SPPL3: variants seen among roughly 807,000 people sequenced by gnomAD.
SPPL3 encodes the protein signal peptide peptidase like 3.
In SPPL3, 5 loss-of-function variants were observed where a neutral mutation model predicts 42.4. The ratio of observed to expected loss-of-function variants is 0.12; its 90% CI spans 0.06 to 0.25. SPPL3 has a LOEUF of 0.25. Among genes scored for constraint, SPPL3 ranks in the 10% least tolerant of loss-of-function variants. The pLI is 1.00. For synonymous variants in SPPL3, 195 were observed against 181.8 expected (o/e 1.07, Z -0.58); for missense variants, 235 against 489.0 (o/e 0.48, Z 4.90).
At chr12:120,897,765 A>G (rs1194333806) in intron 1 of SPPL3, among the ~76,000 whole-genome samples, 1 of 152,194 alleles carries the variant, frequency 6.6e-6, no homozygotes, top group Non-Finnish European at 1.5e-5. Flanking sequence ...AAAGTCTATA[A>G]TGCTAGACAC....
chr12:120,895,488 T>C (rs1873773454), intron 1 of SPPL3, among the ~76,000 whole-genome samples: 1 of 152,018 alleles, frequency 6.6e-6, no homozygotes, highest in Non-Finnish European at 1.5e-5. Context: ...AATGTAGCCA[T>C]GGACTATGAA....
intron 1 of SPPL3, among the ~76,000 whole-genome samples, chr12:120,818,657 A>AACT (rs1432651851): frequency 6.6e-6 from 1 of 152,218 alleles, no homozygotes; most frequent in Non-Finnish European, 1.5e-5. Context: ...AAAACCAAGC[A>AACT]ACTACTATTC....
intron 1 of SPPL3, among the ~76,000 whole-genome samples, chr12:120,815,696 T>A (rs1278891538): frequency 1.3e-5 from 2 of 152,190 alleles, no homozygotes; most frequent in Non-Finnish European, 2.9e-5. Context: ...ACTCTTAACC[T>A]CAGACTTCTG....
At chr12:120,860,520 G>A (rs1211364187) in intron 1 of SPPL3, among the ~76,000 whole-genome samples, 1 of 152,150 alleles carries the variant, frequency 6.6e-6, no homozygotes, top group African/African-American at 2.4e-5. Context: ...TCCATGTCAA[G>A]GTAAGTGCAA....
intron 1 of SPPL3, among the ~76,000 whole-genome samples, chr12:120,823,812 G>GA (rs1375612562): frequency 1.3e-5 from 2 of 152,092 alleles, no homozygotes; most frequent in African/African-American, 4.8e-5. Context: ...ATAGTGGGGT[G>GA]AATTAACCTA....
chr12:120,852,701 TA>T (rs1202750787), intron 1 of SPPL3, among the ~76,000 whole-genome samples: 280 of 18,964 alleles, frequency 0.015, 21 homozygotes, highest in East Asian at 0.03. Context: ...ATACATATTT[TA>T]CATATATGAA....
At chr12:120,826,913 A>C (rs1011320803) in intron 1 of SPPL3, among the ~76,000 whole-genome samples, 1 of 152,178 alleles carries the variant, frequency 6.6e-6, no homozygotes. Flanking sequence ...TCCTGACAAA[A>C]TTGAGACATT....
intron 1 of SPPL3, among the ~76,000 whole-genome samples, chr12:120,842,205 T>G (rs1871854958): frequency 6.6e-6 from 1 of 152,192 alleles, no homozygotes; most frequent in Non-Finnish European, 1.5e-5. Context: ...TTGGCATTTT[T>G]TAGGTAGATA....
Position 120,782,697 on chromosome 12 carries a change from C to G in SPPL3, c.460G>C (p.Val154Leu). ...TGGCCAGTGAGAACCCAGATGAGGA[C>G]GAGCATGACAGACAGAGAGAATGAC... ...LLSFSLSVML[V>L]LIWVLTGHWL... The change falls in exon 6 of 11, where the codon GTC (valine) becomes CTC (leucine). Residue 154 changes from valine to leucine, a missense_variant. Physicochemically the swap from Val to Leu is conservative, Grantham distance 32. Coordinates refer to ENST00000353487, the MANE Select transcript of SPPL3 (RefSeq NM_139015.5). The G allele has an allele frequency of 6.2e-7, 1 of 1,611,774 alleles. No homozygotes were observed. Among genetic ancestry groups the G allele is most frequent in the East Asian group, 2.2e-5 (1 of 44,808 alleles).
At chr12:120,895,047 G>C (rs1164697541) in intron 1 of SPPL3, among the ~76,000 whole-genome samples, 1 of 152,168 alleles carries the variant, frequency 6.6e-6, no homozygotes, top group Non-Finnish European at 1.5e-5. Context: ...GAAAAGCAGG[G>C]AAAGATGAGG....
rs567539889 is a variant in SPPL3 at position 120,903,975 on chromosome 12, T to TGCTC, written c.-112_-109dup. ...GGCCGGGGTCCGGTGCTTGCTTGCT[T>TGCTC]GCTCGCTCGCTGGCTCGCTGGCTGC... is the stretch of plus-strand genomic sequence containing the variant. On this transcript the variant is annotated 5_prime_UTR_variant, in exon 1 of 11. Coordinates refer to ENST00000353487, the MANE Select transcript of SPPL3 (RefSeq NM_139015.5). 3.0e-4 allele frequency: 295 copies of TGCTC among 969,480 alleles called. 4 individuals are homozygous for TGCTC. In the South Asian group the frequency reaches 6.8e-3, roughly 22 times the overall value. 60.1% of individuals were successfully genotyped at this position (969,480 alleles called of 1,614,324 possible). A position where few individuals can be genotyped will look rare whatever the true frequency, so the allele number is the denominator to read the frequency against.
chr12:120,818,223 A>G (rs559398875), intron 1 of SPPL3, among the ~76,000 whole-genome samples: 72 of 152,328 alleles, frequency 4.7e-4, no homozygotes, highest in African/African-American at 1.7e-3. Flanking sequence ...GAAACTAAAT[A>G]CATGCATTTG....
chr12:120,823,306 T>C (rs1046375428), intron 1 of SPPL3, among the ~76,000 whole-genome samples: 4 of 152,074 alleles, frequency 2.6e-5, no homozygotes, highest in African/African-American at 9.7e-5. Flanking sequence ...GCTAGGGATC[T>C]GGCTGTATTT....
chr12:120,827,592 C>A (rs1325121077), intron 1 of SPPL3, among the ~76,000 whole-genome samples: 1 of 152,072 alleles, frequency 6.6e-6, no homozygotes, highest in Non-Finnish European at 1.5e-5. Context: ...GCATTCCCAT[C>A]CAGGCAGCCT....
At chr12:120,860,106 G>A (rs1872581638) in intron 1 of SPPL3, among the ~76,000 whole-genome samples, 1 of 152,116 alleles carries the variant, frequency 6.6e-6, no homozygotes, top group South Asian at 2.1e-4. Context: ...AAATTAGCTG[G>A]GTGGGAGGAT....
chr12:120,798,624 T>G (rs1223926180), intron 2 of SPPL3, among the ~76,000 whole-genome samples: 1 of 152,234 alleles, frequency 6.6e-6, no homozygotes, highest in Non-Finnish European at 1.5e-5. Flanking sequence ...AGACTGCTCC[T>G]TCCCTGTGGG....
At chr12:120,871,429 G>A (rs1872929072) in intron 1 of SPPL3, among the ~76,000 whole-genome samples, 1 of 152,012 alleles carries the variant, frequency 6.6e-6, no homozygotes, top group African/African-American at 2.4e-5. Context: ...GATCCCCCTT[G>A]GATAACAAAA....
At position 120,840,835 on chromosome 12, in the gene SPPL3, AAAAAT is replaced by A. The variant is rs1336819326; in HGVS notation, c.24-29954_24-29950del. Among the ~76,000 whole-genome samples the A allele has an allele frequency of 3.9e-5, 6 of 152,088 alleles. No homozygotes were observed. In the East Asian group the frequency reaches 5.8e-4, roughly 15 times the overall value. On this transcript the variant is annotated intron_variant, in intron 1 of 10. Coordinates refer to ENST00000353487, the MANE Select transcript of SPPL3 (RefSeq NM_139015.5). ...GGCAACAGAGTGAGACCCGGTCTGA[AAAAAT>A]AAAATAAAAATAAAAACATCGCTTG...
intron 3 of SPPL3, among the ~76,000 whole-genome samples, chr12:120,785,272 TTTATG>T (rs1361606431): frequency 6.6e-6 from 1 of 151,934 alleles, no homozygotes; most frequent in African/African-American, 2.4e-5. Flanking sequence ...AAAAATTTAT[TTTATG>T]GGAACATTTT....
Sources: allele counts gnomAD v4.1 joint callset (sites outside exome capture counted in the v4.1 genomes callset), GRCh38; gene constraint gnomAD v4.1.1; transcripts MANE v1.5; gene names NCBI Gene and HGNC (gene_info 2026-07-23, HGNC 2026-07-21).